SPAG16: variants seen among roughly 807,000 people sequenced by gnomAD.
SPAG16 encodes the protein sperm associated antigen 16.
SPAG16 carries 86 observed loss-of-function variants against 80.4 expected under a neutral mutation model. The ratio of observed to expected loss-of-function variants is 1.07; its 90% CI spans 0.90 to 1.28. The LOEUF (loss-of-function observed/expected upper bound fraction) is 1.28, where lower values mean the gene tolerates loss of function less well. SPAG16 is among the 50% of genes most tolerant of loss of function. SPAG16 has a pLI of 0.00. For missense variants in SPAG16, 870 were observed against 765.3 expected, an observed-to-expected ratio of 1.14 and a Z score of -1.61; for synonymous variants, 294 against 265.9, an observed-to-expected ratio of 1.11 and a Z score of -1.03.
chr2:213,582,243 A>AT lies in SPAG16; in HGVS notation c.1070+92160dup, dbSNP rs773059324. 8.4e-4 allele frequency among the ~76,000 whole-genome samples: 128 copies of AT among 152,164 alleles called. 1 individual carries two copies. Among genetic ancestry groups the AT allele is most frequent in the Non-Finnish European group, 1.6e-3 (111 of 67,982 alleles). ...AACTTTGTAGTGTAAGTAATATGAC[A>AT]TTTTTTTCCCTATACTGTGTCCTTC... is the stretch of plus-strand genomic sequence containing the variant. On this transcript the variant is annotated intron_variant, in intron 10 of 15. Transcript: ENST00000331683.
chr2:213,286,684 C>T (rs1176226760), intron 1 of SPAG16, among the ~76,000 whole-genome samples: 2 of 152,240 alleles, frequency 1.3e-5, no homozygotes, highest in African/African-American at 2.4e-5. Flanking sequence ...TTCTAATCTA[C>T]TGCATTTGGC....
intron 10 of SPAG16, among the ~76,000 whole-genome samples, chr2:213,543,250 G>A (rs946428368): frequency 6.6e-6 from 1 of 151,840 alleles, no homozygotes; most frequent in African/African-American, 2.4e-5. Flanking sequence ...TTTTATGAAT[G>A]GTCATTTCAT....
chr2:213,424,954 G>A (rs752357155), intron 9 of SPAG16, among the ~76,000 whole-genome samples: 2 of 152,154 alleles, frequency 1.3e-5, no homozygotes, highest in Non-Finnish European at 2.9e-5. Context: ...AAGATTTGTT[G>A]TATTCACTGT....
At chr2:213,431,510 A>G (rs1423072821) in intron 9 of SPAG16, among the ~76,000 whole-genome samples, 1 of 150,694 alleles carries the variant, frequency 6.6e-6, no homozygotes. Context: ...AAAAAAAGAA[A>G]AAGTCATTAT....
intron 10 of SPAG16, among the ~76,000 whole-genome samples, chr2:213,656,164 C>A (rs1364314514): frequency 6.6e-6 from 1 of 152,214 alleles, no homozygotes; most frequent in African/African-American, 2.4e-5. Context: ...GTACATCCTG[C>A]TATTATGCAC....
At chr2:214,068,460 C>T (rs1390478441) in intron 13 of SPAG16, among the ~76,000 whole-genome samples, 2 of 151,998 alleles carry the variant, frequency 1.3e-5, no homozygotes, top group Non-Finnish European at 2.9e-5. Context: ...CCATGGTTCC[C>T]ACATAGTACT....
At chr2:213,377,800 C>G (rs562611362) in intron 9 of SPAG16, among the ~76,000 whole-genome samples, 1 of 151,812 alleles carries the variant, frequency 6.6e-6, no homozygotes, top group East Asian at 1.9e-4. Flanking sequence ...GTTCTTTGAA[C>G]TTGGCAAAAT....
At chr2:213,912,146 T>C (rs1484107583) in intron 11 of SPAG16, among the ~76,000 whole-genome samples, 1 of 152,166 alleles carries the variant, frequency 6.6e-6, no homozygotes, top group Non-Finnish European at 1.5e-5. Context: ...CCTTGCTTAT[T>C]TCTCTTTGCT....
chr2:213,588,752 A>C, intron 10 of SPAG16, among the ~76,000 whole-genome samples: 1 of 130,624 alleles, frequency 7.7e-6, no homozygotes, highest in African/African-American at 2.8e-5. Flanking sequence ...CAGTGAGCCG[A>C]GATTGCGCCA....
At chr2:214,044,678 T>C (rs1468082306) in intron 13 of SPAG16, among the ~76,000 whole-genome samples, 2 of 152,112 alleles carry the variant, frequency 1.3e-5, no homozygotes, top group Non-Finnish European at 2.9e-5. Context: ...CCCTCCTTCA[T>C]CCCCTGGCAG....
At chr2:213,886,887 T>C (rs534537582) in intron 11 of SPAG16, among the ~76,000 whole-genome samples, 1 of 152,232 alleles carries the variant, frequency 6.6e-6, no homozygotes, top group African/African-American at 2.4e-5. Context: ...GTATATATCA[T>C]AACAGTTGGA....
At chr2:213,298,282 T>A (rs1371741721) in intron 3 of SPAG16, among the ~76,000 whole-genome samples, 10 of 152,196 alleles carry the variant, frequency 6.6e-5, no homozygotes, top group Admixed American at 6.5e-4. Context: ...TGGACATAGC[T>A]TCTTCTTGGT....
At chr2:213,880,427 T>G (rs2076301302) in intron 11 of SPAG16, among the ~76,000 whole-genome samples, 3 of 152,224 alleles carry the variant, frequency 2.0e-5, no homozygotes, top group Admixed American at 2.0e-4. Flanking sequence ...TTCTGCAGAT[T>G]GCCTGTTTAC....
At chr2:214,336,678 T>A (rs1041960596) in intron 15 of SPAG16, among the ~76,000 whole-genome samples, 4 of 151,974 alleles carry the variant, frequency 2.6e-5, no homozygotes, top group Admixed American at 2.6e-4. Flanking sequence ...ATTAGAAATA[T>A]TGAGCCGGAT....
At chr2:213,629,256 A>AATGACAGCC (rs1356587012) in intron 10 of SPAG16, among the ~76,000 whole-genome samples, 4 of 152,212 alleles carry the variant, frequency 2.6e-5, no homozygotes, top group African/African-American at 9.6e-5. Flanking sequence ...AAGTGGTCAG[A>AATGACAGCC]ATGACAGCCC....
chr2:213,606,546 G>A lies in SPAG16; in HGVS notation c.1070+116456G>A, dbSNP rs75995253. ...TCTCTGACATTACTTCTGGATTTGT[G>A]CTAATTACAAATAATGTGGCATGCA... On this transcript the variant is annotated intron_variant, in intron 10 of 15. Coordinates refer to ENST00000331683, the MANE Select transcript of SPAG16 (RefSeq NM_024532.5). Among the ~76,000 whole-genome samples the A allele has an allele frequency of 4.3e-3, 657 of 152,202 alleles. 3 individuals carry two copies. Among genetic ancestry groups the A allele is most frequent in the Non-Finnish European group, 6.2e-3 (423 of 68,000 alleles).
intron 15 of SPAG16, among the ~76,000 whole-genome samples, chr2:214,184,954 T>C (rs2057422270): frequency 6.6e-6 from 1 of 152,116 alleles, no homozygotes; most frequent in Admixed American, 6.6e-5. Flanking sequence ...TTTTTTGCTT[T>C]TGCATTTAGA....
intron 13 of SPAG16, among the ~76,000 whole-genome samples, chr2:214,059,641 TTTCTTTGAG>T (rs1424439594): frequency 6.6e-6 from 1 of 152,204 alleles, no homozygotes; most frequent in Admixed American, 6.5e-5. Flanking sequence ...ATGTTACTGT[TTTCTTTGAG>T]TTCTTCATCA....
chr2:214,221,981 T>C (rs2058583211), intron 15 of SPAG16, among the ~76,000 whole-genome samples: 1 of 152,116 alleles, frequency 6.6e-6, no homozygotes, highest in African/African-American at 2.4e-5. Flanking sequence ...ATAATTATTT[T>C]AAATAAAAAT....
Sources: gnomAD v4.1 joint callset for allele counts (sites outside exome capture counted in the v4.1 genomes callset) on GRCh38, gnomAD v4.1.1 for gene constraint, MANE v1.5 for transcripts, NCBI Gene and HGNC (gene_info 2026-07-23, HGNC 2026-07-21) for gene names.